Variants in CECR2 observed in about 807,000 individuals in gnomAD.
The protein encoded by CECR2 is chromatin remodeling regulator CECR2.
In CECR2, 30 loss-of-function variants were observed where a neutral mutation model predicts 154.5. That is an observed-to-expected ratio of 0.19 (90% CI 0.15 to 0.26). The LOEUF is 0.26. CECR2 is among the 10% of genes least tolerant of loss of function. The pLI is 1.00. For missense variants in CECR2, 1,743 were observed against 1,829.3 expected (o/e 0.95, Z 0.86); for synonymous variants, 725 against 683.7 (o/e 1.06, Z -0.94).
intron 14 of CECR2, 73 bp downstream of exon 14, chr22:17,540,873 T>C: frequency 7.0e-7 from 1 of 1,428,108 alleles, no homozygotes; most frequent in Non-Finnish European, 9.3e-7. Flanking sequence ...GGCCATTCAG[T>C]TAGTACTTCC....
chr22:17,500,534 C>T, intron 4 of CECR2, 97 bp from the exon 5 acceptor site: 1 of 879,950 alleles, frequency 1.1e-6, no homozygotes, highest in Admixed American at 2.8e-5. Context: ...ACATTTAATC[C>T]TTTTTGGTAA....
intron 1 of CECR2, among the ~76,000 whole-genome samples, chr22:17,401,036 G>A (rs1310551076): frequency 1.3e-5 from 2 of 151,994 alleles, no homozygotes. Context: ...CAAAGTGCTG[G>A]GATTACAGGT....
rs769725088 is a variant in CECR2, at chr22:17,539,030, A to G, written c.1406A>G (p.Asn469Ser). ...ATTTCCAGCATGGAGAAGAAACTGA[A>G]TGGAGGTTTATACTGTACCAAGGAG... ...MDISSMEKKL[N>S]GGLYCTKEEF... is the part of the protein sequence containing the mutation. The change falls in exon 13 of 19, where the codon AAT (asparagine) becomes AGT (serine). Residue 469 changes from asparagine (N) to serine (S), a missense_variant. Physicochemically the swap from Asn to Ser is conservative, Grantham distance 46. Coordinates refer to ENST00000262608, the MANE Select transcript of CECR2 (RefSeq NM_001290047.2). The G allele has an allele frequency of 1.2e-6, 2 of 1,613,824 alleles. No individual in the cohort carries two copies. The highest frequency in any genetic ancestry group is 1.7e-6 in the Non-Finnish European group (2 of 1,179,774).
chr22:17,371,349 C>T (rs2063058629), intron 1 of CECR2, among the ~76,000 whole-genome samples: 2 of 152,318 alleles, frequency 1.3e-5, no homozygotes, highest in South Asian at 4.1e-4. Flanking sequence ...GAAATGTGGG[C>T]TTCTCCACTT....
Position 17,535,250 on chromosome 22 carries a change from G to A in CECR2, c.1109-1853G>A, listed in dbSNP as rs146351044. 7.1e-3 allele frequency among the ~76,000 whole-genome samples: 1,083 copies of A among 152,044 alleles called. 8 individuals carry two copies. Among genetic ancestry groups the A allele is most frequent in the African/African-American group, 0.024 (979 of 41,470 alleles). The stretch of plus-strand genomic sequence containing the variant: ...GGAGAATCGCTTGAACCTGGGAGGC[G>A]GAGGTTGCAGTGAGCTGAGATCGCA... On this transcript the variant is annotated intron_variant, in intron 9 of 18. Coordinates refer to ENST00000262608, the MANE Select transcript of CECR2 (RefSeq NM_001290047.2).
intron 17 of CECR2, among the ~76,000 whole-genome samples, chr22:17,550,810 T>C (rs940044849): frequency 3.3e-5 from 5 of 151,970 alleles, no homozygotes; most frequent in African/African-American, 4.8e-5. Context: ...GGCGTGGTGG[T>C]GGGCACCTGT....
chr22:17,548,781 C>T lies in CECR2; in HGVS notation c.3494C>T (p.Ser1165Phe). The change falls in exon 17 of 19, where the codon TCT becomes TTT. Residue 1165 changes from serine to phenylalanine, a missense_variant. Ser to Phe is a radical substitution (Grantham distance 155). This residue lies in a region of CECR2 where 1,250 missense variants were observed against 1,192.1 expected (regional missense o/e 1.05). Coordinates refer to ENST00000262608, the MANE Select transcript of CECR2 (RefSeq NM_001290047.2). ...CATTTTCCCCCAAGGGGCTTTCAGT[C>T]TAACCACCCACATTCTGGAGGCTTT... ...PQHFPPRGFQSNHPHSGGFPR... is the reference protein window; with the variant it reads ...PQHFPPRGFQFNHPHSGGFPR... The T allele has an allele frequency of 3.1e-6, 5 of 1,613,816 alleles. No homozygotes were observed. The highest frequency in any genetic ancestry group is 4.2e-6 in the Non-Finnish European group (5 of 1,179,858).
chr22:17,371,967 C>G (rs2063066548), intron 1 of CECR2, among the ~76,000 whole-genome samples: 1 of 152,074 alleles, frequency 6.6e-6, no homozygotes, highest in African/African-American at 2.4e-5. Context: ...GAAATGTAAA[C>G]TGATTAAAGA....
intron 16 of CECR2, among the ~76,000 whole-genome samples, chr22:17,545,857 A>AG: frequency 6.6e-6 from 1 of 151,768 alleles, no homozygotes; most frequent in African/African-American, 2.4e-5. Flanking sequence ...AAAAAAAAAA[A>AG]AAGATAATAG....
chr22:17,446,078 C>T (rs2054657310), intron 1 of CECR2, among the ~76,000 whole-genome samples: 1 of 152,108 alleles, frequency 6.6e-6, no homozygotes, highest in South Asian at 2.1e-4. Context: ...GTGCCAGCAT[C>T]ACCTAGGAGC....
At chr22:17,473,057 G>A (rs986912713) in intron 1 of CECR2, among the ~76,000 whole-genome samples, 6 of 152,132 alleles carry the variant, frequency 3.9e-5, no homozygotes, top group African/African-American at 7.2e-5. Flanking sequence ...AGGATTTGTC[G>A]TTGAGGGTGG....
At chr22:17,431,314 C>A (rs913914416) in intron 1 of CECR2, among the ~76,000 whole-genome samples, 6 of 152,120 alleles carry the variant, frequency 3.9e-5, no homozygotes, top group Non-Finnish European at 7.4e-5. Flanking sequence ...TGGTTTTGAG[C>A]TATTTCAAAT....
intron 1 of CECR2, among the ~76,000 whole-genome samples, chr22:17,456,774 A>G (rs2054860517): frequency 6.6e-6 from 1 of 152,186 alleles, no homozygotes; most frequent in Non-Finnish European, 1.5e-5. Flanking sequence ...CGATATGGAG[A>G]TGGACTAAAA....
At chr22:17,531,306 A>G (rs911941983) in intron 9 of CECR2, among the ~76,000 whole-genome samples, 5 of 152,226 alleles carry the variant, frequency 3.3e-5, no homozygotes, top group African/African-American at 1.2e-4. Context: ...GAAGGCAGGC[A>G]AACTCCCGCT....
chr22:17,523,781 AAAAG>A (rs1569140531), intron 8 of CECR2, among the ~76,000 whole-genome samples: 11 of 151,620 alleles, frequency 7.3e-5, no homozygotes, highest in Non-Finnish European at 1.5e-4. Context: ...AAAAAGAAAA[AAAAG>A]CTTCCCTTTA....
upstream of CECR2, among the ~76,000 whole-genome samples, chr22:17,368,639 C>T (rs144377044): frequency 3.7e-3 from 556 of 152,288 alleles, 4 homozygotes; most frequent in East Asian, 0.023. Context: ...GAGCACAGTC[C>T]CCGGCTTCCC....
chr22:17,460,696 C>T (rs1288342112), intron 1 of CECR2, among the ~76,000 whole-genome samples: 1 of 152,096 alleles, frequency 6.6e-6, no homozygotes, highest in Non-Finnish European at 1.5e-5. Flanking sequence ...TGCCTCTAGC[C>T]AGTGCCTGTC....
chr22:17,445,934 A>C (rs948910205), intron 1 of CECR2, among the ~76,000 whole-genome samples: 1 of 152,244 alleles, frequency 6.6e-6, no homozygotes, highest in African/African-American at 2.4e-5. Context: ...CTATAATGCT[A>C]TATGCATAGC....
rs374499391 is a variant in CECR2 at position 17,524,276 on chromosome 22, G to T, written c.1108+5G>T. 2.0e-5 allele frequency: 32 copies of T among 1,606,060 alleles called. No individual in the cohort carries two copies. The highest frequency in any genetic ancestry group is 2.5e-5 in the Non-Finnish European group (30 of 1,177,018). ...AGAAGGTCAAGGCAGTGGAAGGTAT[G>T]TGCAGTGTCCGCGTGGTCTGGAGAG... On this transcript the variant is annotated splice_donor_5th_base_variant and intron_variant, in intron 9 of 18. Transcript: ENST00000262608.
Sources: gnomAD v4.1 joint callset for allele counts (sites outside exome capture counted in the v4.1 genomes callset) on GRCh38, gnomAD v4.1.1 for gene constraint, gnomAD v4.1.1 regional missense constraint, MANE v1.5 for transcripts, NCBI Gene and HGNC (gene_info 2026-07-23, HGNC 2026-07-21) for gene names.